Variants in TLE2 observed in about 807,000 individuals in gnomAD.
TLE2 encodes the protein TLE family member 2, transcriptional corepressor.
In TLE2, 74 loss-of-function variants were observed where a neutral mutation model predicts 97.2. The observed-to-expected ratio is 0.76, with a 90% CI of 0.63 to 0.92. TLE2 has a LOEUF of 0.92. Ranked by LOEUF, TLE2 falls within the 40% of genes least tolerant of loss-of-function variation. The pLI is 0.00. For missense variants in TLE2, 1,038 were observed against 1,008.7 expected, an observed-to-expected ratio of 1.03 and a Z score of -0.39; for synonymous variants, 499 against 432.1, an observed-to-expected ratio of 1.15 and a Z score of -1.92.
intron 1 of TLE2, among the ~76,000 whole-genome samples, chr19:3,037,318 G>T (rs2090070207): frequency 1.3e-5 from 2 of 152,156 alleles, no homozygotes; most frequent in Non-Finnish European, 2.9e-5. Flanking sequence ...AAAACAAAAA[G>T]ATGTTGGGTT....
intron 8 of TLE2, among the ~76,000 whole-genome samples, chr19:3,017,374 G>A (rs1015038931): frequency 3.3e-5 from 5 of 151,106 alleles, no homozygotes; most frequent in Admixed American, 2.6e-4. Flanking sequence ...CTGGCCTCAA[G>A]TGATCTGCCC....
rs956869356 is a variant in TLE2, at chr19:3,005,094, G to A, written c.1896+343C>T. Among the ~76,000 whole-genome samples the A allele has an allele frequency of 2.6e-5, 4 of 151,912 alleles. No individual in the cohort carries two copies. In the East Asian group the frequency reaches 5.8e-4, roughly 22 times the overall value. ...TCCTCAGTTGGGAAGTGTGTGTCCC[G>A]CGCTCTCGGCGGCGTCCAGAGATTA... On this transcript the variant is annotated intron_variant, in intron 17 of 19. Coordinates refer to ENST00000262953, the MANE Select transcript of TLE2 (RefSeq NM_003260.5).
At position 3,009,542 on chromosome 19, in the gene TLE2, C is replaced by G. The variant is rs1442457677; in HGVS notation, c.1173G>C (p.Val391=). Residue 391 remains valine (V), a splice_region_variant and synonymous_variant, in exon 13 of 20, where the codon GTG becomes GTC. Coordinates refer to ENST00000262953, the MANE Select transcript of TLE2 (RefSeq NM_003260.5). Reference sequence around the variant, plus strand: ...CCTGCGCCCCCACCCAAGGACTCACCACGGGGGAGCGTCCGTACACCACAG... The same window carrying G: ...CCTGCGCCCCCACCCAAGGACTCACGACGGGGGAGCGTCCGTACACCACAG... ...SSSVVYGRSP[V]MAFESHPHLR... 1.2e-6 allele frequency: 2 copies of G among 1,604,606 alleles called. No homozygotes were observed. The highest frequency in any genetic ancestry group is 1.3e-5 in the African/African-American group (1 of 74,614).
chr19:2,997,852 T>G lies in TLE2; in HGVS notation c.2228A>C (p.Tyr743Ser). 3 of 1,605,056 alleles carry G rather than the reference T, an allele frequency of 1.9e-6. No homozygotes were observed. Among genetic ancestry groups the G allele is most frequent in the Non-Finnish European group, 2.6e-6 (3 of 1,175,080 alleles). Reference protein sequence around the residue: ...DKKATVYEVVY With the variant: ...DKKATVYEVVS ...TACAGGAAGGGGGGTCATGTCTCAG[T>G]AGACCACCTCATACACGGTGGCCTT... The change falls in exon 20 of 20, where the codon TAC (tyrosine) becomes TCC (serine). Residue 743 changes from tyrosine to serine, a missense_variant. By Grantham distance (144) the Tyr-to-Ser change is moderately radical (BLOSUM62 -2). Transcript: ENST00000262953.
chr19:3,041,863 G>C (rs2090105582), intron 1 of TLE2, among the ~76,000 whole-genome samples: 2 of 152,150 alleles, frequency 1.3e-5, no homozygotes, highest in South Asian at 4.1e-4. Context: ...AGAGGCCTAG[G>C]GACCTGCCCA....
At chr19:2,999,508 A>T (rs1363520483) in intron 19 of TLE2, among the ~76,000 whole-genome samples, 2 of 151,692 alleles carry the variant, frequency 1.3e-5, no homozygotes, top group African/African-American at 4.8e-5. Context: ...CGGGTGGATC[A>T]TGAGGTCAGG....
At chr19:3,006,184 G>A (rs1387417540) in intron 15 of TLE2, 3 of 951,128 alleles carry the variant, frequency 3.2e-6, no homozygotes, top group African/African-American at 1.6e-5. Flanking sequence ...CCCCACCCAT[G>A]GTTGGCCTGC....
intron 8 of TLE2, 72 bp downstream of exon 8, chr19:3,017,768 G>A (rs1343253096): frequency 1.3e-5 from 19 of 1,445,346 alleles, no homozygotes; most frequent in Non-Finnish European, 1.8e-5. Flanking sequence ...TCATTCTGAG[G>A]CCCCCATCAG....
upstream of TLE2, among the ~76,000 whole-genome samples, chr19:3,033,369 A>G (rs1007058318): frequency 3.9e-5 from 6 of 152,058 alleles, no homozygotes; most frequent in Admixed American, 2.0e-4. Context: ...GGGTTTCACC[A>G]TGTTAGTCAG....
At chr19:3,046,561 CCT>C (rs2090142384), upstream of TLE2, among the ~76,000 whole-genome samples, 1 of 151,784 alleles carries the variant, frequency 6.6e-6, no homozygotes. Context: ...TCCCCAGTCC[CCT>C]GACAGACACC....
Position 3,019,460 on chromosome 19 carries a change from G to C in TLE2, c.373C>G (p.Gln125Glu), listed in dbSNP as rs1393886893. 6.6e-7 allele frequency: 1 copy of C among 1,514,170 alleles called. No homozygotes were observed. Among genetic ancestry groups the C allele is most frequent in the Admixed American group, 2.1e-5 (1 of 47,948 alleles). The allele number at this position is 1,514,170 out of a possible 1,614,324, so 93.8% of individuals were successfully genotyped here. Residue 125 changes from glutamine (Q) to glutamate (E), a missense_variant, in exon 7 of 20, where the codon CAG (glutamine) becomes GAG (glutamate). Transcript: ENST00000262953. This position sits in a 1 kb window ranked among gnomAD's most constrained non-coding sequence, Gnocchi z 5.1. The part of the protein sequence containing the change: ...VGELNSLIGQ[Q>E]LQPLSHHAPP... ...GCGTGGTGGGACAGCGGCTGGAGCT[G>C]CTGCTGCTAGAAAGGAGGCAGGATG...
chr19:3,006,768 CTG>C, intron 14 of TLE2, 99 bp from the exon 15 acceptor site: 1 of 1,449,938 alleles, frequency 6.9e-7, no homozygotes, highest in Non-Finnish European at 9.2e-7. Flanking sequence ...CTGGCACCCT[CTG>C]ATGTGTTTTT....
At chr19:3,010,765 T>C (rs909531030) in intron 12 of TLE2, among the ~76,000 whole-genome samples, 1 of 152,056 alleles carries the variant, frequency 6.6e-6, no homozygotes, top group African/African-American at 2.4e-5. Context: ...GCCCCAAAGA[T>C]TGTCTTTCCA....
At chr19:3,028,491 C>T (rs1388491217) in intron 2 of TLE2, 109 bp from the exon 3 acceptor site, 3 of 1,184,086 alleles carry the variant, frequency 2.5e-6, no homozygotes, top group African/African-American at 3.1e-5. Flanking sequence ...CCTCCCCCCA[C>T]CTCCTGTCCC....
chr19:3,043,640 ATAC>A lies in TLE2; in HGVS notation c.63+2083_63+2085del, dbSNP rs1387327980. 3.0e-4 allele frequency among the ~76,000 whole-genome samples: 40 copies of A among 131,834 alleles called. 1 individual carries two copies. Among genetic ancestry groups the A allele is most frequent in the South Asian group, 4.4e-4 (2 of 4,586 alleles). The allele number at this position is 131,834 out of a possible 152,430, so 86.5% of individuals were successfully genotyped here. ...TGGTGAAACCCCGTCTCTACTAAAA[ATAC>A]AAAAAAAAAAAAAAAAATTAGCCAG... On this transcript the variant is annotated intron_variant, in intron 1 of 18. Transcript: ENST00000426948.
Position 3,017,717 on chromosome 19 carries a change from G to A in TLE2, c.570+123C>T, listed in dbSNP as rs1189698668. 5.9e-6 allele frequency: 5 copies of A among 848,332 alleles called. No homozygotes were observed. In the African/African-American group the frequency reaches 7.0e-5, roughly 12 times the overall value. The allele number at this position is 848,332 out of a possible 1,614,324, so 52.6% of individuals were successfully genotyped here. On this transcript the variant is annotated intron_variant, in intron 8 of 19. Coordinates refer to ENST00000262953, the MANE Select transcript of TLE2 (RefSeq NM_003260.5). ...TTCTCCTACCTCTGCCTACCAAAGT[G>A]CTGGGATCAAAGGCGTGAGCCACCA...
rs538054757 is a variant in TLE2 at position 3,025,702 on chromosome 19, C to T, written c.232-620G>A. ...GGGAAGGGGGCGGGCATACAATGGCCACGGACTTTGCCTCTGCCTGAGTTA... is the reference window on the plus strand; with the variant it reads ...GGGAAGGGGGCGGGCATACAATGGCTACGGACTTTGCCTCTGCCTGAGTTA... On this transcript the variant is annotated intron_variant, in intron 4 of 19. Transcript: ENST00000262953. 6.9e-4 allele frequency: 514 copies of T among 747,468 alleles called. 1 individual carries two copies. Among genetic ancestry groups the T allele is most frequent in the Admixed American group, 3.3e-3 (52 of 15,996 alleles). The allele number at this position is 747,468 out of a possible 1,614,324, so 46.3% of individuals were successfully genotyped here.
chr19:3,017,809 TA>T, intron 8 of TLE2, 30 bp downstream of exon 8: 1 of 1,607,424 alleles, frequency 6.2e-7, no homozygotes, highest in Non-Finnish European at 8.5e-7. Context: ...CCCAAGAATA[TA>T]AAAAGAGTCC....
intron 19 of TLE2, among the ~76,000 whole-genome samples, chr19:2,999,568 A>G (rs2089304575): frequency 6.6e-6 from 1 of 151,926 alleles, no homozygotes; most frequent in Non-Finnish European, 1.5e-5. Flanking sequence ...TCTACTAAAA[A>G]TACAAAAAAT....
Sources: allele counts gnomAD v4.1 joint callset (sites outside exome capture counted in the v4.1 genomes callset), GRCh38; gene constraint gnomAD v4.1.1; non-coding constraint Gnocchi (gnomAD v3.1); transcripts MANE v1.5; gene names NCBI Gene and HGNC (gene_info 2026-07-23, HGNC 2026-07-21).